The following CCSER2 variants were observed in gnomAD, a reference collection of about 807,000 sequenced individuals.
CCSER2 encodes the protein coiled-coil serine rich protein 2, also known as serine-rich coiled-coil domain-containing protein 2.
In CCSER2, 46 loss-of-function variants were observed where a neutral mutation model predicts 92.3. That is an observed-to-expected ratio of 0.50 (90% CI 0.39 to 0.64). The LOEUF is 0.64. Among genes scored for constraint, CCSER2 ranks in the 30% least tolerant of loss-of-function variants. CCSER2 has a pLI of 0.00. For synonymous variants in CCSER2, 433 were observed against 431.4 expected (o/e 1.00, Z -0.04); for missense variants, 1,244 against 1,238.9 (o/e 1.00, Z -0.06).
At chr10:84,440,961 A>T (rs1202338481) in intron 6 of CCSER2, among the ~76,000 whole-genome samples, 2 of 152,094 alleles carry the variant, frequency 1.3e-5, no homozygotes, top group Non-Finnish European at 2.9e-5. Context: ...AATATTTTTA[A>T]TCTTTTATTT....
chr10:84,504,965 T>G (rs1848966022), intron 9 of CCSER2, among the ~76,000 whole-genome samples: 1 of 152,158 alleles, frequency 6.6e-6, no homozygotes, highest in Admixed American at 6.5e-5. Context: ...TGACTCTTCC[T>G]TCAAAATGTA....
intron 9 of CCSER2, among the ~76,000 whole-genome samples, chr10:84,487,011 C>T (rs1193309564): frequency 3.3e-4 from 50 of 152,276 alleles, no homozygotes; most frequent in Non-Finnish European, 3.2e-4. Flanking sequence ...ATCCTTTCCC[C>T]ATTTCTTGTT....
chr10:84,494,728 C>T (rs955501900), intron 9 of CCSER2, among the ~76,000 whole-genome samples: 2 of 152,096 alleles, frequency 1.3e-5, no homozygotes, highest in Non-Finnish European at 2.9e-5. Flanking sequence ...CATAAAGCAG[C>T]TATGTGGTGA....
intron 7 of CCSER2, among the ~76,000 whole-genome samples, chr10:84,465,288 T>TGA (rs1387614019): frequency 3.3e-4 from 27 of 81,228 alleles, no homozygotes; most frequent in Non-Finnish European, 5.4e-4. Context: ...TGTGTGTGTG[T>TGA]GTGAAAAAGT....
chr10:84,334,913 A>G (rs1452097479), intron 1 of CCSER2, among the ~76,000 whole-genome samples: 4 of 152,150 alleles, frequency 2.6e-5, no homozygotes, highest in Non-Finnish European at 5.9e-5. Context: ...TGATAAGGAC[A>G]GTGGGAAAGG....
intron 1 of CCSER2, among the ~76,000 whole-genome samples, chr10:84,356,084 CAA>C (rs1360385340): frequency 8.5e-5 from 9 of 105,362 alleles, no homozygotes; most frequent in African/African-American, 3.0e-4. Context: ...GCCTGGGTGA[CAA>C]GAGTGAAACT....
At chr10:84,444,659 T>C (rs1199498879) in intron 6 of CCSER2, among the ~76,000 whole-genome samples, 2 of 152,132 alleles carry the variant, frequency 1.3e-5, no homozygotes, top group African/African-American at 4.8e-5. Flanking sequence ...CAACACTAAT[T>C]CTACCATCAT....
chr10:84,396,185 C>CTGTGTGTGTG (rs11467455), intron 3 of CCSER2, among the ~76,000 whole-genome samples: 19 of 145,802 alleles, frequency 1.3e-4, no homozygotes, highest in African/African-American at 3.7e-4. Flanking sequence ...TTATTCAACA[C>CTGTGTGTGTG]TGTGTGTGTG....
At chr10:84,391,256 G>A (rs998857061) in intron 3 of CCSER2, 1 of 1,408,446 alleles carries the variant, frequency 7.1e-7, no homozygotes, top group Non-Finnish European at 1.0e-6. Context: ...GCTAAACAAT[G>A]CTCAACCAGA....
intron 6 of CCSER2, among the ~76,000 whole-genome samples, chr10:84,442,878 C>G (rs1353857659): frequency 1.3e-5 from 2 of 152,096 alleles, no homozygotes; most frequent in East Asian, 1.9e-4. Flanking sequence ...ACAAACCTGA[C>G]AAAAACAAGC....
chr10:84,457,208 ATATATATTACATATTATATATAAATATAT>A (rs1564683857), intron 6 of CCSER2, among the ~76,000 whole-genome samples: 65 of 106,906 alleles, frequency 6.1e-4, no homozygotes, highest in African/African-American at 2.1e-3. Flanking sequence ...CTTCTTTTAT[ATATATATTACATATTATATATAAATATAT>A]TATATATTAT....
intron 2 of CCSER2, 65 bp from the exon 3 acceptor site, chr10:84,373,554 T>G (rs1339506928): frequency 4.0e-6 from 5 of 1,260,548 alleles, no homozygotes; most frequent in Non-Finnish European, 5.6e-6. Flanking sequence ...TTATTAGCAC[T>G]TATATTTTTA....
intron 5 of CCSER2, among the ~76,000 whole-genome samples, chr10:84,427,757 A>C (rs1283618433): frequency 6.6e-6 from 1 of 152,038 alleles, no homozygotes; most frequent in Non-Finnish European, 1.5e-5. Flanking sequence ...GAATTCTCTC[A>C]TATCCTAGCA....
chr10:84,460,540 A>G (rs1168816261), intron 6 of CCSER2, among the ~76,000 whole-genome samples: 1 of 151,932 alleles, frequency 6.6e-6, no homozygotes, highest in African/African-American at 2.4e-5. Flanking sequence ...AAGTGGTTGT[A>G]TAGAATTGAT....
chr10:84,424,614 G>C (rs943779640), intron 4 of CCSER2, among the ~76,000 whole-genome samples: 1 of 150,428 alleles, frequency 6.6e-6, no homozygotes, highest in African/African-American at 2.4e-5. Flanking sequence ...CACTCGTCAT[G>C]TTTCAAATTC....
chr10:84,359,839 A>T (rs1845402925), intron 1 of CCSER2, among the ~76,000 whole-genome samples: 1 of 151,552 alleles, frequency 6.6e-6, no homozygotes, highest in Non-Finnish European at 1.5e-5. Context: ...TCTGAGACAG[A>T]GTCTCACTCT....
intron 1 of CCSER2, among the ~76,000 whole-genome samples, chr10:84,333,383 C>T (rs1843678596): frequency 6.6e-6 from 1 of 152,128 alleles, no homozygotes; most frequent in South Asian, 2.1e-4. Flanking sequence ...GAGGTAGGTT[C>T]TTTTAGTATC....
At chr10:84,341,954 A>G (rs1019196740) in intron 1 of CCSER2, among the ~76,000 whole-genome samples, 2 of 152,164 alleles carry the variant, frequency 1.3e-5, no homozygotes, top group African/African-American at 4.8e-5. Flanking sequence ...ATCTCCACGT[A>G]TTCAGCTCTC....
intron 1 of CCSER2, among the ~76,000 whole-genome samples, chr10:84,359,130 CT>C (rs79227211): frequency 0.02 from 3,055 of 150,144 alleles, 90 homozygotes; most frequent in Admixed American, 0.074. Flanking sequence ...TTTGTCCCAA[CT>C]TTTTTTTTTC....
Sources: gnomAD v4.1 joint callset for allele counts (sites outside exome capture counted in the v4.1 genomes callset) on GRCh38, gnomAD v4.1.1 for gene constraint, MANE v1.5 for transcripts, NCBI Gene and HGNC (gene_info 2026-07-23, HGNC 2026-07-21) for gene names.